The following CMIP variants were observed in gnomAD, a reference collection of about 807,000 sequenced individuals.
The protein encoded by CMIP is C-Maf-inducing protein.
A neutral mutation model predicts 97.3 loss-of-function variants in CMIP; 13 were observed. That is an observed-to-expected ratio of 0.13 (90% CI 0.09 to 0.21). The LOEUF (loss-of-function observed/expected upper bound fraction) is 0.21, where lower values mean the gene tolerates loss of function less well. Among genes scored for constraint, CMIP ranks in the 10% least tolerant of loss-of-function variants. The probability of loss-of-function intolerance (pLI) is 1.00; values close to 1 mark genes in which losing one functional copy is unlikely to be tolerated. For missense variants in CMIP, 847 were observed against 1,024.9 expected (o/e 0.83, Z 2.37); for synonymous variants, 538 against 436.3 (o/e 1.23, Z -2.91).
chr16:81,607,955 A>G lies in CMIP; in HGVS notation c.426+263A>G, dbSNP rs573429839. Reference sequence around the variant, plus strand: ...TTGCTCATTTAGTTTCCCTTAATAAACCTGATAAATAAGTTTTATGATCCC... The same window carrying G: ...TTGCTCATTTAGTTTCCCTTAATAAGCCTGATAAATAAGTTTTATGATCCC... On this transcript the variant is annotated intron_variant, in intron 2 of 20. Transcript: ENST00000537098. Among the ~76,000 whole-genome samples the G allele has an allele frequency of 3.3e-5, 5 of 152,284 alleles. No individual in the cohort carries two copies. The East Asian group carries it at 9.6e-4, about 29-fold the overall frequency.
intron 1 of CMIP, among the ~76,000 whole-genome samples, chr16:81,474,447 G>A (rs186008939): frequency 6.6e-6 from 1 of 152,158 alleles, no homozygotes; most frequent in African/African-American, 2.4e-5. Context: ...GGGCCACCAG[G>A]TAGGCACGTC....
intron 1 of CMIP, among the ~76,000 whole-genome samples, chr16:81,446,861 C>G (rs1450102905): frequency 8.1e-6 from 1 of 124,204 alleles, no homozygotes; most frequent in African/African-American, 3.0e-5. Flanking sequence ...CCCCCCACCC[C>G]AGAGCGTTGC....
rs115571007 is a variant in CMIP, at chr16:81,468,431, A to G, written c.300+22890A>G. Among the ~76,000 whole-genome samples, 1,468 of 152,364 alleles carry G rather than the reference A, an allele frequency of 9.6e-3. 35 individuals carry two copies. The highest frequency in any genetic ancestry group is 0.033 in the African/African-American group (1,391 of 41,592). Reference sequence around the variant, plus strand: ...CCTTGCGGGTAAATTGAGGGCAAGGATGGAACCTTCCGCACCTTGTAGGGT... The same window carrying G: ...CCTTGCGGGTAAATTGAGGGCAAGGGTGGAACCTTCCGCACCTTGTAGGGT... On this transcript the variant is annotated intron_variant, in intron 1 of 20. Transcript: ENST00000537098.
chr16:81,645,546 A>G (rs4889356), intron 3 of CMIP: 708,085 of 1,535,596 alleles, frequency 0.46, 166,256 homozygotes, highest in African/African-American at 0.65. Context: ...GAACCCTGGC[A>G]TATGTGCTTG....
chr16:81,460,647 A>G (rs531774142), intron 1 of CMIP, among the ~76,000 whole-genome samples: 101 of 152,264 alleles, frequency 6.6e-4, no homozygotes, highest in African/African-American at 2.2e-3. Context: ...TTCCTCTGCC[A>G]TCTGTTTCCT....
At position 81,562,313 on chromosome 16, in the gene CMIP, G is replaced by T. The variant is rs142903472; in HGVS notation, c.301-45254G>T. 3.2e-3 allele frequency among the ~76,000 whole-genome samples: 493 copies of T among 152,338 alleles called. 2 individuals are homozygous for T. The highest frequency in any genetic ancestry group is 0.011 in the African/African-American group (460 of 41,574). On this transcript the variant is annotated intron_variant, in intron 1 of 20. Coordinates refer to ENST00000537098, the MANE Select transcript of CMIP (RefSeq NM_198390.3). ...CCTGCCCAGGCTTACCCAGCTCATG[G>T]TCCAAGGAGCCAGGATTCAAATCTG...
Position 81,693,354 on chromosome 16 carries a change from T to G in CMIP, c.1482-85T>G, listed in dbSNP as rs750492555. ...CTTGCCCAGCTCCCTGGCCCGTTCT[T>G]CCTTGACACCATCCCCTCCCCTTCC... On this transcript the variant is annotated intron_variant, in intron 12 of 20. Coordinates refer to ENST00000537098, the MANE Select transcript of CMIP (RefSeq NM_198390.3). 22 of 1,550,374 alleles carry G rather than the reference T, an allele frequency of 1.4e-5. No individual in the cohort carries two copies. The African/African-American group carries it at 2.7e-4, about 19-fold the overall frequency.
chr16:81,637,350 G>A (rs13332905), intron 3 of CMIP, among the ~76,000 whole-genome samples: 3,766 of 152,264 alleles, frequency 0.025, 156 homozygotes, highest in African/African-American at 0.087. Flanking sequence ...TGGGATTACA[G>A]GTGTGAGCCA....
At chr16:81,530,261 T>G (rs17777603) in intron 1 of CMIP, among the ~76,000 whole-genome samples, 8,160 of 152,258 alleles carry the variant, frequency 0.054, 251 homozygotes, top group Middle Eastern at 0.085. Context: ...TTCTGATACT[T>G]TATTACCCCA....
intron 1 of CMIP, among the ~76,000 whole-genome samples, chr16:81,574,966 G>A (rs986065995): frequency 2.0e-5 from 3 of 152,184 alleles, no homozygotes; most frequent in Non-Finnish European, 4.4e-5. Flanking sequence ...CTGAGCTCTT[G>A]CTCATTCCTA....
intron 1 of CMIP, among the ~76,000 whole-genome samples, chr16:81,540,398 G>T (rs2090425976): frequency 6.6e-6 from 1 of 152,144 alleles, no homozygotes; most frequent in Admixed American, 6.5e-5. Context: ...GACCTCCCAG[G>T]CTCAAGTGAT....
At chr16:81,640,982 G>A (rs2092300028) in intron 3 of CMIP, among the ~76,000 whole-genome samples, 1 of 152,120 alleles carries the variant, frequency 6.6e-6, no homozygotes, top group African/African-American at 2.4e-5. Context: ...CCTGGGCAAG[G>A]TGTGAGCCCC....
chr16:81,509,575 C>G (rs2089772857), intron 1 of CMIP, among the ~76,000 whole-genome samples: 2 of 152,132 alleles, frequency 1.3e-5, no homozygotes, highest in Non-Finnish European at 2.9e-5. Context: ...GTCTGGCTGT[C>G]TTTCCCTTCC....
intron 3 of CMIP, among the ~76,000 whole-genome samples, chr16:81,636,752 C>T (rs2092241712): frequency 6.6e-6 from 1 of 152,186 alleles, no homozygotes; most frequent in East Asian, 1.9e-4. Flanking sequence ...TAATTTGAAA[C>T]ATTGCAGATA....
intron 1 of CMIP, among the ~76,000 whole-genome samples, chr16:81,568,169 G>T (rs115425007): frequency 6.6e-6 from 1 of 151,728 alleles, no homozygotes; most frequent in South Asian, 2.1e-4. Flanking sequence ...GGGAGAATCC[G>T]TAGGCTTGAT....
At chr16:81,475,996 A>AG in intron 1 of CMIP, 1 of 558,258 alleles carries the variant, frequency 1.8e-6, no homozygotes, top group East Asian at 3.8e-5. Context: ...CAAAAAAAAA[A>AG]AAAAAAGATA....
intron 1 of CMIP, among the ~76,000 whole-genome samples, chr16:81,448,912 C>T (rs1906034936): frequency 6.6e-6 from 1 of 152,250 alleles, no homozygotes; most frequent in Non-Finnish European, 1.5e-5. Context: ...TCCTGGGCCT[C>T]ACTGGCTCTT....
chr16:81,644,377 GC>G (rs2150993533), intron 3 of CMIP, among the ~76,000 whole-genome samples: 1 of 152,328 alleles, frequency 6.6e-6, no homozygotes, highest in African/African-American at 2.4e-5. Flanking sequence ...AGGCCAGGGG[GC>G]TGTGTTTGAC....
At position 81,445,504 on chromosome 16, in the gene CMIP, A is replaced by G. The variant is rs1905771835; in HGVS notation, c.263A>G (p.His88Arg). 3.2e-6 allele frequency: 5 copies of G among 1,552,568 alleles called. No homozygotes were observed. The highest frequency in any genetic ancestry group is 4.4e-6 in the Non-Finnish European group (5 of 1,148,128). Residue 88 changes from histidine to arginine, a missense_variant, in exon 1 of 21, where the codon CAC (histidine) becomes CGC (arginine). Around this residue, in one of 4 missense-constraint regions of CMIP, gnomAD observed 285 missense variants for 392.2 expected, o/e 0.73. Transcript: ENST00000537098. ...TTCCTGAGGCGCTGGGAGCCGCACC[A>G]CCTAACGCTGGCCGACAACAGCCTG... ...SKFLRRWEPHHLTLADNSLAS... is the reference protein window; with the variant it reads ...SKFLRRWEPHRLTLADNSLAS...
Sources: gnomAD v4.1 joint callset for allele counts (sites outside exome capture counted in the v4.1 genomes callset) on GRCh38, gnomAD v4.1.1 for gene constraint, gnomAD v4.1.1 regional missense constraint, MANE v1.5 for transcripts, NCBI Gene and HGNC (gene_info 2026-07-23, HGNC 2026-07-21) for gene names.